The following SIRT3 variants were observed in gnomAD, a reference collection of about 807,000 sequenced individuals.
SIRT3 encodes sirtuin 3, also known as NAD-dependent protein deacetylase sirtuin-3, mitochondrial.
SIRT3 carries 26 observed loss-of-function variants against 33.5 expected under a neutral mutation model. That is an observed-to-expected ratio of 0.78 (90% CI 0.57 to 1.08). The LOEUF (loss-of-function observed/expected upper bound fraction) is 1.08, where lower values mean the gene tolerates loss of function less well. SIRT3 is among the 50% of genes least tolerant of loss of function. SIRT3 has a pLI of 0.00. For missense variants in SIRT3, 585 were observed against 530.1 expected (o/e 1.10, Z -1.02); for synonymous variants, 237 against 222.1 (o/e 1.07, Z -0.60).
chr11:230,505 C>A lies in SIRT3; in HGVS notation c.754G>T (p.Ala252Ser). ...SKLVEAHGTFASATCTVCQRP... is the reference protein window; with the variant it reads ...SKLVEAHGTFSSATCTVCQRP... ...TGGCAGACTGTGCAGGTGGCAGAGG[C>A]AAAGGTTCCATGAGCTTCAACCAGC... is the stretch of plus-strand genomic sequence containing the variant. The change falls in exon 4 of 7, where the codon GCC (alanine) becomes TCC (serine). Residue 252 changes from alanine (A) to serine (S), a missense_variant. Coordinates refer to ENST00000382743, the MANE Select transcript of SIRT3 (RefSeq NM_012239.6). 6.5e-7 allele frequency: 1 copy of A among 1,539,734 alleles called. No individual in the cohort carries two copies. Among genetic ancestry groups the A allele is most frequent in the Non-Finnish European group, 8.7e-7 (1 of 1,142,878 alleles).
chr11:233,188 GT>G lies in SIRT3; in HGVS notation c.500del (p.Asn167ThrfsTer106). The stretch of plus-strand genomic sequence containing the variant: ...GGTACGGGAGATCGTACTGCTGGAG[GT>G]TGCTGTACAGGCCACTCCCCGGCGA... ...FRSPGSGLYS[N>X]LQQYDLPYPE... On this transcript the variant is annotated frameshift_variant, in exon 3 of 7. Transcript: ENST00000382743. LOFTEE classifies it high-confidence loss of function. 4 of 1,614,108 alleles carry G rather than the reference GT, an allele frequency of 2.5e-6. No individual in the cohort carries two copies. The South Asian group carries it at 4.4e-5, about 18-fold the overall frequency.
intron 3 of SIRT3, among the ~76,000 whole-genome samples, chr11:232,309 G>A (rs982174101): frequency 6.6e-6 from 1 of 151,832 alleles, no homozygotes; most frequent in African/African-American, 2.4e-5. Context: ...AGTAGAGACG[G>A]GGTTTTGCCA....
intron 6 of SIRT3, 93 bp from the exon 7 acceptor site, chr11:216,811 G>A: frequency 7.4e-7 from 1 of 1,349,922 alleles, no homozygotes; most frequent in South Asian, 1.2e-5. Flanking sequence ...CTGCAGACAT[G>A]CAAAATATTT....
rs1282718748 is a variant in SIRT3 at position 223,281 on chromosome 11, C to T, written c.969+797G>A. Reference sequence around the variant, plus strand: ...CCGACACCTCAGACACACACAGAACCGAGCTGGGCATCCTCCCTCCCAAAT... The same window carrying T: ...CCGACACCTCAGACACACACAGAACTGAGCTGGGCATCCTCCCTCCCAAAT... On this transcript the variant is annotated intron_variant, in intron 5 of 6. Transcript: ENST00000382743. The surrounding 1 kb of genome is among the most constrained non-coding windows in gnomAD (Gnocchi z 4.8). 1.1e-5 allele frequency: 2 copies of T among 183,210 alleles called. No individual in the cohort carries two copies. The highest frequency in any genetic ancestry group is 2.3e-5 in the Non-Finnish European group (2 of 86,690). The allele number at this position is 183,210 out of a possible 1,614,324, so 11.3% of individuals were successfully genotyped here. A position where few individuals can be genotyped will look rare whatever the true frequency, so the allele number is the denominator to read the frequency against.
Position 223,917 on chromosome 11 carries a change from CAGGCCTGCCGA to C in SIRT3, c.969+150_969+160del. The C allele has an allele frequency of 5.2e-6, 2 of 382,518 alleles. No homozygotes were observed. The highest frequency in any genetic ancestry group is 9.6e-6 in the Non-Finnish European group (2 of 207,568). 23.7% of individuals were successfully genotyped at this position (382,518 alleles called of 1,614,324 possible). ...CCTGCCCTCCAGCCTCCTCCCTGCA[CAGGCCTGCCGA>C]CAGCCCATGAGGTGACTCCTGTACC... On this transcript the variant is annotated intron_variant, in intron 5 of 6. Coordinates refer to ENST00000382743, the MANE Select transcript of SIRT3 (RefSeq NM_012239.6). This position sits in a 1 kb window ranked among gnomAD's most constrained non-coding sequence, Gnocchi z 4.8.
intron 5 of SIRT3, 80 bp from the exon 6 acceptor site, chr11:219,121 G>C (rs1856059995): frequency 6.7e-7 from 1 of 1,483,934 alleles, no homozygotes; most frequent in African/African-American, 1.4e-5. Flanking sequence ...AGCCACCGAG[G>C]CCTTGGAGGA....
chr11:218,058 C>T (rs950413665), intron 6 of SIRT3, among the ~76,000 whole-genome samples: 9 of 152,144 alleles, frequency 5.9e-5, no homozygotes, highest in African/African-American at 2.2e-4. Context: ...TTGTGAGGCC[C>T]CCACAGCCAT....
At chr11:235,928 C>A in intron 1 of SIRT3, 120 bp downstream of exon 1, 2 of 1,116,882 alleles carry the variant, frequency 1.8e-6, no homozygotes, top group African/African-American at 1.6e-5. Context: ...ACGGAGGCCC[C>A]GGTGTTGGAA....
chr11:225,279 A>G (rs1333460341), intron 4 of SIRT3, among the ~76,000 whole-genome samples: 1 of 151,950 alleles, frequency 6.6e-6, no homozygotes, highest in Non-Finnish European at 1.5e-5. Flanking sequence ...AGGCGTGGTG[A>G]TGCGTGCCTG....
rs1423046045 is a variant in SIRT3 at position 236,120 on chromosome 11, G to A, written c.209C>T (p.Pro70Leu). 2 of 1,581,760 alleles carry A rather than the reference G, an allele frequency of 1.3e-6. No individual in the cohort carries two copies. The highest frequency in any genetic ancestry group is 2.3e-5 in the South Asian group (2 of 86,762). The part of the protein sequence containing the change: ...PLDPARPLQR[P>L]PRPEVPRAFR... ...TGCCCTGGGCACCTCGGGTCTGGGAGGCCTCTGCAAGGGGCGCGCCGGGTC... is the reference window on the plus strand; with the variant it reads ...TGCCCTGGGCACCTCGGGTCTGGGAAGCCTCTGCAAGGGGCGCGCCGGGTC... Residue 70 changes from proline to leucine, a missense_variant, in exon 1 of 7, where the codon CCT becomes CTT. By Grantham distance (98) the Pro-to-Leu change is moderately conservative (BLOSUM62 -3). Coordinates refer to ENST00000382743, the MANE Select transcript of SIRT3 (RefSeq NM_012239.6).
At chr11:226,329 C>CA (rs1401445840) in intron 4 of SIRT3, among the ~76,000 whole-genome samples, 1 of 152,144 alleles carries the variant, frequency 6.6e-6, no homozygotes, top group African/African-American at 2.4e-5. Flanking sequence ...GCCAGGAACT[C>CA]AAGCTTCCAA....
chr11:224,332 TC>T (rs1479582055), intron 4 of SIRT3, 93 bp from the exon 5 acceptor site: 3 of 1,366,470 alleles, frequency 2.2e-6, no homozygotes, highest in Middle Eastern at 2.6e-4. Flanking sequence ...TCAAACATTC[TC>T]CCCCAAAAAA....
rs190632178 is a variant in SIRT3 at position 223,406 on chromosome 11, C to T, written c.969+672G>A. 2.0e-4 allele frequency: 48 copies of T among 241,010 alleles called. No individual in the cohort carries two copies. The East Asian group carries it at 4.6e-3, about 23-fold the overall frequency. The allele number at this position is 241,010 out of a possible 1,614,324, so 14.9% of individuals were successfully genotyped here. On this transcript the variant is annotated intron_variant, in intron 5 of 6. Coordinates refer to ENST00000382743, the MANE Select transcript of SIRT3 (RefSeq NM_012239.6). This position sits in a 1 kb window ranked among gnomAD's most constrained non-coding sequence, Gnocchi z 4.8. The stretch of plus-strand genomic sequence containing the variant: ...AGACTGCGAGTCCAGTCCCCCTCCT[C>T]GCCATCCCTCAGGCGACCACAGCTC...
intron 4 of SIRT3, among the ~76,000 whole-genome samples, chr11:229,630 G>C (rs377002517): frequency 6.6e-6 from 1 of 151,828 alleles, no homozygotes; most frequent in Admixed American, 6.6e-5. Context: ...ATGGTGGCAG[G>C]CACCTGTAAT....
At chr11:218,728 A>C in intron 6 of SIRT3, 104 bp downstream of exon 6, 1 of 1,567,610 alleles carries the variant, frequency 6.4e-7, no homozygotes, top group Non-Finnish European at 8.7e-7. Flanking sequence ...ATCATCAGCT[A>C]TTACTGTTAC....
chr11:223,909 T>A lies in SIRT3; in HGVS notation c.969+169A>T. 1.2e-5 allele frequency: 4 copies of A among 330,630 alleles called. No homozygotes were observed. Among genetic ancestry groups the A allele is most frequent in the South Asian group, 2.2e-5 (1 of 45,948 alleles). 20.5% of individuals were successfully genotyped at this position (330,630 alleles called of 1,614,324 possible). A position where few individuals can be genotyped will look rare whatever the true frequency, so the allele number is the denominator to read the frequency against. ...TCCCTTCCCCTGCCCTCCAGCCTCCTCCCTGCACAGGCCTGCCGACAGCCC... is the reference window on the plus strand; with the variant it reads ...TCCCTTCCCCTGCCCTCCAGCCTCCACCCTGCACAGGCCTGCCGACAGCCC... On this transcript the variant is annotated intron_variant, in intron 5 of 6. Coordinates refer to ENST00000382743, the MANE Select transcript of SIRT3 (RefSeq NM_012239.6). This position sits in a 1 kb window ranked among gnomAD's most constrained non-coding sequence, Gnocchi z 4.8.
chr11:233,804 G>T (rs1415877249), intron 1 of SIRT3: 2 of 363,036 alleles, frequency 5.5e-6, no homozygotes, highest in African/African-American at 2.1e-5. Context: ...CACTCAGTAG[G>T]CACTCAACTC....
intron 6 of SIRT3, among the ~76,000 whole-genome samples, chr11:217,391 G>C (rs1460254509): frequency 6.6e-6 from 1 of 152,226 alleles, no homozygotes; most frequent in Non-Finnish European, 1.5e-5. Flanking sequence ...CAGGGCTGCA[G>C]TGAGCCAAAA....
At position 224,225 on chromosome 11, in the gene SIRT3, T is replaced by C. The variant is rs781079662; in HGVS notation, c.822A>G (p.Ala274=). 4.3e-6 allele frequency: 7 copies of C among 1,614,000 alleles called. No individual in the cohort carries two copies. Among genetic ancestry groups the C allele is most frequent in the Non-Finnish European group, 5.9e-6 (7 of 1,180,032 alleles). Residue 274 remains alanine (A), a synonymous_variant, in exon 5 of 7, where the codon GCA becomes GCG. Coordinates refer to ENST00000382743, the MANE Select transcript of SIRT3 (RefSeq NM_012239.6). ...AGACCGGGCAGCGGGGAACCCTGTC[T>C]GCCATCACGTCAGCCTGGAAAACAG... ...PGEDIRADVM[A]DRVPRCPVCT...
Sources: gnomAD v4.1 joint callset for allele counts (sites outside exome capture counted in the v4.1 genomes callset) on GRCh38, gnomAD v4.1.1 for gene constraint, Gnocchi (gnomAD v3.1) non-coding constraint, MANE v1.5 for transcripts, NCBI Gene and HGNC (gene_info 2026-07-23, HGNC 2026-07-21) for gene names.